IRAG1: variants seen among roughly 807,000 people sequenced by gnomAD.
The protein encoded by IRAG1 is IP3R-associated cGMP kinase substrate.
In IRAG1, 62 loss-of-function variants were observed where a neutral mutation model predicts 106.2. The observed-to-expected ratio is 0.58, with a 90% CI of 0.48 to 0.72. IRAG1 has a LOEUF of 0.72. Ranked by LOEUF, IRAG1 falls within the 30% of genes least tolerant of loss-of-function variation. The pLI is 0.00. For missense variants in IRAG1, 1,064 were observed against 1,140.7 expected (o/e 0.93, Z 0.97); for synonymous variants, 462 against 443.9 (o/e 1.04, Z -0.51).
rs777727810 is a variant in IRAG1, at chr11:10,600,887, G to T, written c.2017+31C>A. The T allele has an allele frequency of 7.4e-6, 12 of 1,612,972 alleles. No individual in the cohort carries two copies. The Admixed American group carries it at 2.0e-4, about 27-fold the overall frequency. On this transcript the variant is annotated intron_variant, in intron 15 of 20. Transcript: ENST00000423302. ...AGCTCTTGGAAGTCCACCTTGTAGG[G>T]CCAAGATGGGGCAGGAGCCTAGGTC...
intron 3 of IRAG1, among the ~76,000 whole-genome samples, chr11:10,633,323 C>T (rs1468821826): frequency 2.0e-5 from 3 of 152,180 alleles, no homozygotes; most frequent in Non-Finnish European, 4.4e-5. Flanking sequence ...GATTCACCCG[C>T]CTTGGCCTCC....
In IRAG1 at chr11:10,691,502, C is replaced by G. The variant is rs56898682; in HGVS notation, c.67+2034G>C. 7.0e-3 allele frequency among the ~76,000 whole-genome samples: 1,066 copies of G among 152,330 alleles called. 16 individuals are homozygous for G. The highest frequency in any genetic ancestry group is 0.025 in the African/African-American group (1,029 of 41,572). On this transcript the variant is annotated intron_variant, in intron 1 of 20. Transcript: ENST00000423302. ...CACACAGACCCACAGAACTCCTCAT[C>G]CCCAAACCATGAGCCTCCTCAGCCT...
rs200324654 is a variant in IRAG1, at chr11:10,581,910, G to T, written c.2317C>A (p.Gln773Lys). 3.1e-6 allele frequency: 5 copies of T among 1,613,908 alleles called. No homozygotes were observed. In the East Asian group the frequency reaches 8.9e-5, roughly 29 times the overall value. Residue 773 changes from glutamine to lysine, a missense_variant, in exon 19 of 21, where the codon CAG (glutamine) becomes AAG (lysine). Transcript: ENST00000423302. ...TCCTCCATCCTGGCCTTGGTCTCCT[G>T]ACTAAGCTCCTCCAGGCAGCTCAGG... is the stretch of plus-strand genomic sequence containing the variant. Reference protein sequence around the residue: ...LTLSCLEELSQETKARMEEEA... With the variant: ...LTLSCLEELSKETKARMEEEA...
At chr11:10,611,339 T>G (rs1382856364) in intron 10 of IRAG1, among the ~76,000 whole-genome samples, 1 of 152,186 alleles carries the variant, frequency 6.6e-6, no homozygotes, top group Non-Finnish European at 1.5e-5. Flanking sequence ...GTGTCACCCC[T>G]GGCATCATTC....
chr11:10,658,464 T>A (rs1667829939), intron 1 of IRAG1: 1 of 152,912 alleles, frequency 6.5e-6, no homozygotes, highest in Non-Finnish European at 1.5e-5. Flanking sequence ...GCCCTCGCCA[T>A]TCTCCAAACA....
intron 18 of IRAG1, among the ~76,000 whole-genome samples, chr11:10,583,283 C>A (rs984643918): frequency 3.3e-5 from 5 of 152,126 alleles, no homozygotes; most frequent in Admixed American, 1.3e-4. Flanking sequence ...AGGACCAAGT[C>A]ATGAGGAACT....
intron 4 of IRAG1, among the ~76,000 whole-genome samples, chr11:10,630,276 C>A (rs956118336): frequency 6.6e-6 from 1 of 152,154 alleles, no homozygotes; most frequent in Non-Finnish European, 1.5e-5. Flanking sequence ...CCTCCCTCCC[C>A]CAACATCCAA....
chr11:10,608,727 G>T (rs1298151531), intron 11 of IRAG1, among the ~76,000 whole-genome samples: 1 of 152,064 alleles, frequency 6.6e-6, no homozygotes, highest in Admixed American at 6.5e-5. Context: ...TTCTTTATAT[G>T]CTCTAGAAAC....
At chr11:10,629,091 C>G (rs930525359) in intron 5 of IRAG1, among the ~76,000 whole-genome samples, 2 of 152,152 alleles carry the variant, frequency 1.3e-5, no homozygotes, top group African/African-American at 4.8e-5. Flanking sequence ...CCTCAAGGCA[C>G]TGTCCAGAAA....
At chr11:10,592,650 G>A (rs1179403300) in intron 17 of IRAG1, among the ~76,000 whole-genome samples, 2 of 152,110 alleles carry the variant, frequency 1.3e-5, no homozygotes, top group Non-Finnish European at 2.9e-5. Context: ...AAAGGCCTGG[G>A]ATACAGAAAA....
intron 1 of IRAG1, among the ~76,000 whole-genome samples, chr11:10,663,011 C>T (rs571184972): frequency 6.6e-6 from 1 of 152,298 alleles, no homozygotes; most frequent in South Asian, 2.1e-4. Flanking sequence ...CCTTGGATCT[C>T]CCGGCCTCTG....
At chr11:10,578,926 G>A (rs578021179) in intron 20 of IRAG1, among the ~76,000 whole-genome samples, 2 of 152,124 alleles carry the variant, frequency 1.3e-5, no homozygotes, top group African/African-American at 4.8e-5. Context: ...CTGTATTCAC[G>A]GGTGCCAGAG....
rs528243828 is a variant in IRAG1, at chr11:10,665,583, C to A, written c.68-13401G>T. On this transcript the variant is annotated intron_variant, in intron 1 of 20. Coordinates refer to ENST00000423302, the MANE Select transcript of IRAG1 (RefSeq NM_130385.4). The surrounding 1 kb of genome is among the most constrained non-coding windows in gnomAD (Gnocchi z 4.2). ...GAGCTGGATAGGCTCTCACTCTCAA[C>A]CCTCCCCAGAAGAGCAGACCCCAAG... Among the ~76,000 whole-genome samples, 1 of 152,226 alleles carries A rather than the reference C, an allele frequency of 6.6e-6. No homozygotes were observed. The highest frequency in any genetic ancestry group is 1.5e-5 in the Non-Finnish European group (1 of 68,038).
intron 1 of IRAG1, chr11:10,652,518 T>G: frequency 2.6e-6 from 1 of 380,436 alleles, no homozygotes. Flanking sequence ...GTTTACCACT[T>G]ACTGAGCACC....
chr11:10,607,152 C>G (rs1854546367), intron 11 of IRAG1, among the ~76,000 whole-genome samples: 1 of 152,140 alleles, frequency 6.6e-6, no homozygotes, highest in South Asian at 2.1e-4. Flanking sequence ...GAAATGTGAC[C>G]TTGAACTCAT....
At position 10,574,458 on chromosome 11, in the gene IRAG1, AT is replaced by A. The variant is rs1850722998; in HGVS notation, c.*1873del. On this transcript the variant is annotated 3_prime_UTR_variant, in exon 21 of 21. Coordinates refer to ENST00000423302, the MANE Select transcript of IRAG1 (RefSeq NM_130385.4). ...GAAAAATGCTAGGGGAGATGGATAC[AT>A]AAATAGGCCATGGTATACTATAGGT... 2 of 152,306 alleles carry A rather than the reference AT, an allele frequency of 1.3e-5. No homozygotes were observed. Among genetic ancestry groups the A allele is most frequent in the South Asian group, 4.1e-4 (2 of 4,824 alleles). The allele number at this position is 152,306 out of a possible 1,614,324, so 9.4% of individuals were successfully genotyped here. A position where few individuals can be genotyped will look rare whatever the true frequency, so the allele number is the denominator to read the frequency against.
intron 1 of IRAG1, among the ~76,000 whole-genome samples, chr11:10,663,453 T>C (rs1047837434): frequency 6.6e-6 from 1 of 152,188 alleles, no homozygotes; most frequent in Admixed American, 6.5e-5. Flanking sequence ...CCATGGTGCC[T>C]GCCTAAATCA....
In IRAG1 at chr11:10,604,532, T is replaced by C; in HGVS notation, c.1616A>G (p.Gln539Arg). 3.1e-6 allele frequency: 5 copies of C among 1,614,034 alleles called. No individual in the cohort carries two copies. Among genetic ancestry groups the C allele is most frequent in the Non-Finnish European group, 4.2e-6 (5 of 1,179,894 alleles). Residue 539 changes from glutamine (Q) to arginine (R), a missense_variant, in exon 13 of 21, where the codon CAA (glutamine) becomes CGA (arginine). By Grantham distance (43) the Gln-to-Arg change is conservative. Coordinates refer to ENST00000423302, the MANE Select transcript of IRAG1 (RefSeq NM_130385.4). Reference protein sequence around the residue: ...TEKEVENVFVQLSLAFRNDSY... With the variant: ...TEKEVENVFVRLSLAFRNDSY... ...GTCATTTCTAAAGGCCAAGGACAGTTGCACAAACACGTTCTGTTGGGAACA... is the reference window on the plus strand; with the variant it reads ...GTCATTTCTAAAGGCCAAGGACAGTCGCACAAACACGTTCTGTTGGGAACA...
intron 5 of IRAG1, among the ~76,000 whole-genome samples, 172 bp downstream of exon 5, chr11:10,629,366 C>A (rs1856516246): frequency 6.6e-6 from 1 of 152,194 alleles, no homozygotes; most frequent in African/African-American, 2.4e-5. Context: ...CCAGCACCCA[C>A]AGAGATCAAG....
Sources: gnomAD v4.1 joint callset for allele counts (sites outside exome capture counted in the v4.1 genomes callset) on GRCh38, gnomAD v4.1.1 for gene constraint, Gnocchi (gnomAD v3.1) non-coding constraint, MANE v1.5 for transcripts, NCBI Gene and HGNC (gene_info 2026-07-23, HGNC 2026-07-21) for gene names.